The following PRIMA1 variants were observed in gnomAD, a reference collection of about 807,000 sequenced individuals.
PRIMA1 encodes proline-rich membrane anchor 1.
Under a neutral mutation model 17.5 loss-of-function variants are expected in PRIMA1, and 7 were observed. The observed-to-expected ratio is 0.40, with a 90% CI of 0.23 to 0.75. The LOEUF is 0.75. Ranked by LOEUF, PRIMA1 falls within the 30% of genes least tolerant of loss-of-function variation. The probability of loss-of-function intolerance (pLI) is 0.37; values close to 1 mark genes in which losing one functional copy is unlikely to be tolerated. For missense variants in PRIMA1, 200 were observed against 201.8 expected (o/e 0.99, Z 0.05); for synonymous variants, 97 against 77.9 (o/e 1.25, Z -1.29).
intron 3 of PRIMA1, among the ~76,000 whole-genome samples, chr14:93,775,794 G>T (rs1461199531): frequency 6.6e-6 from 1 of 152,224 alleles, no homozygotes; most frequent in Non-Finnish European, 1.5e-5. Flanking sequence ...TGGCCTGGTA[G>T]CCATGTTCTT....
intron 4 of PRIMA1, among the ~76,000 whole-genome samples, chr14:93,735,442 T>C (rs1453103330): frequency 6.6e-6 from 1 of 151,958 alleles, no homozygotes; most frequent in Admixed American, 6.6e-5. Flanking sequence ...CTCCTCCCAT[T>C]CCAGCAGGCC....
At chr14:93,736,412 G>A (rs564044066) in intron 4 of PRIMA1, among the ~76,000 whole-genome samples, 3 of 152,224 alleles carry the variant, frequency 2.0e-5, no homozygotes, top group Admixed American at 6.5e-5. Context: ...CCCGGCTGAG[G>A]TATTGCTGAT....
chr14:93,733,745 TC>T (rs2076130647), intron 4 of PRIMA1, among the ~76,000 whole-genome samples: 1 of 152,256 alleles, frequency 6.6e-6, no homozygotes. Context: ...TACTTTTGTT[TC>T]CTGAGAGAAA....
intron 3 of PRIMA1, among the ~76,000 whole-genome samples, chr14:93,756,219 C>A (rs1378336631): frequency 6.6e-6 from 1 of 152,142 alleles, no homozygotes; most frequent in African/African-American, 2.4e-5. Context: ...TAAGAAATAT[C>A]TTTGATTTTA....
chr14:93,758,054 C>T (rs2076302957), intron 3 of PRIMA1, among the ~76,000 whole-genome samples: 1 of 152,188 alleles, frequency 6.6e-6, no homozygotes, highest in Non-Finnish European at 1.5e-5. Flanking sequence ...TCCCATGGAA[C>T]ATTCCAGCTG....
At chr14:93,752,904 G>A (rs748981267) in intron 3 of PRIMA1, among the ~76,000 whole-genome samples, 5 of 152,208 alleles carry the variant, frequency 3.3e-5, no homozygotes, top group African/African-American at 9.7e-5. Context: ...CATCGACATC[G>A]TGGACAATTT....
chr14:93,733,904 G>A (rs1299229450), intron 4 of PRIMA1, among the ~76,000 whole-genome samples: 1 of 152,196 alleles, frequency 6.6e-6, no homozygotes, highest in African/African-American at 2.4e-5. Flanking sequence ...GCCTGGGGGG[G>A]CAGTGGGGAG....
At chr14:93,768,338 C>T (rs1282473081) in intron 3 of PRIMA1, among the ~76,000 whole-genome samples, 1 of 152,140 alleles carries the variant, frequency 6.6e-6, no homozygotes, top group Non-Finnish European at 1.5e-5. Flanking sequence ...GCCTGCAACT[C>T]CCCCAGTCTT....
At chr14:93,742,077 C>T (rs549556888) in intron 3 of PRIMA1, among the ~76,000 whole-genome samples, 1 of 152,338 alleles carries the variant, frequency 6.6e-6, no homozygotes, top group East Asian at 1.9e-4. Context: ...AAGCTTTGGA[C>T]TTCTGCTTCC....
chr14:93,770,816 G>C (rs1885037505), intron 3 of PRIMA1, among the ~76,000 whole-genome samples: 1 of 152,092 alleles, frequency 6.6e-6, no homozygotes, highest in East Asian at 1.9e-4. Context: ...CTAGTACCTA[G>C]TGCCTGGCAT....
chr14:93,755,718 C>T (rs2076286595), intron 3 of PRIMA1, among the ~76,000 whole-genome samples: 1 of 152,184 alleles, frequency 6.6e-6, no homozygotes, highest in African/African-American at 2.4e-5. Context: ...TCCAGTACTT[C>T]TGGTAGCTGG....
chr14:93,759,194 T>G (rs781443049), intron 3 of PRIMA1, among the ~76,000 whole-genome samples: 1 of 152,174 alleles, frequency 6.6e-6, no homozygotes, highest in Non-Finnish European at 1.5e-5. Flanking sequence ...GGCTAAGCAG[T>G]TGCTCAGCGG....
chr14:93,727,388 A>C (rs2076085246), intron 4 of PRIMA1, among the ~76,000 whole-genome samples: 1 of 152,276 alleles, frequency 6.6e-6, no homozygotes, highest in East Asian at 1.9e-4. Context: ...CCGGAGGCTG[A>C]AGAAAGGATT....
At chr14:93,772,753 G>A (rs368669198) in intron 3 of PRIMA1, among the ~76,000 whole-genome samples, 1 of 152,132 alleles carries the variant, frequency 6.6e-6, no homozygotes, top group East Asian at 1.9e-4. Flanking sequence ...TTTCTTTCCT[G>A]TTGAAGATGC....
chr14:93,745,562 A>G (rs2076211945), intron 3 of PRIMA1, among the ~76,000 whole-genome samples: 1 of 152,178 alleles, frequency 6.6e-6, no homozygotes. Context: ...ACGCTCCTCA[A>G]TACCGCTGGG....
intron 4 of PRIMA1, among the ~76,000 whole-genome samples, chr14:93,731,045 A>C (rs1300391849): frequency 1.3e-5 from 2 of 152,196 alleles, no homozygotes; most frequent in African/African-American, 4.8e-5. Flanking sequence ...TGGAACTGAT[A>C]AATTTGACTG....
At chr14:93,743,912 G>T (rs1277878094) in intron 3 of PRIMA1, among the ~76,000 whole-genome samples, 1 of 152,248 alleles carries the variant, frequency 6.6e-6, no homozygotes, top group Non-Finnish European at 1.5e-5. Context: ...AAGGGGGCGG[G>T]ACGCTGAAAA....
chr14:93,747,561 AGT>A (rs1246115454), intron 3 of PRIMA1, among the ~76,000 whole-genome samples: 1 of 147,026 alleles, frequency 6.8e-6, no homozygotes, highest in Non-Finnish European at 1.5e-5. Context: ...TGAGAGTGTG[AGT>A]GTGGGGGAGT....
intron 3 of PRIMA1, among the ~76,000 whole-genome samples, chr14:93,760,739 T>G (rs1053240757): frequency 3.9e-5 from 6 of 152,200 alleles, no homozygotes; most frequent in Admixed American, 6.5e-5. Context: ...ATCAATGGCC[T>G]TGCTGGCAGA....
Sources: gnomAD v4.1 joint callset for allele counts (sites outside exome capture counted in the v4.1 genomes callset) on GRCh38, gnomAD v4.1.1 for gene constraint, MANE v1.5 for transcripts, NCBI Gene and HGNC (gene_info 2026-07-23, HGNC 2026-07-21) for gene names.